KCNQ2: variants seen among roughly 807,000 people sequenced by gnomAD.
The protein encoded by KCNQ2 is potassium voltage-gated channel subfamily Q member 2, also known as potassium voltage-gated channel subfamily KQT member 2.
Under a neutral mutation model 84.8 loss-of-function variants are expected in KCNQ2, and 14 were observed. The observed-to-expected ratio is 0.17, with a 90% CI of 0.11 to 0.26. KCNQ2 has a LOEUF of 0.26. Among genes scored for constraint, KCNQ2 ranks in the 10% least tolerant of loss-of-function variants. KCNQ2 has a pLI of 1.00. For missense variants in KCNQ2, 788 were observed against 1,254.0 expected (o/e 0.63, Z 5.61); for synonymous variants, 599 against 554.1 (o/e 1.08, Z -1.14).
In KCNQ2 at chr20:63,414,055, T is replaced by C; in HGVS notation, c.1631+33A>G. On this transcript the variant is annotated intron_variant, in intron 14 of 16. Transcript: ENST00000359125. This position sits in a 1 kb window ranked among gnomAD's most constrained non-coding sequence, Gnocchi z 6.6. ...CACCGAGCGGGAGGCCCCTCCTCAC[T>C]CCCCCAGGCTCCCGGCTGGGCAGGG... 6.5e-7 allele frequency: 1 copy of C among 1,533,972 alleles called. No individual in the cohort carries two copies.
chr20:63,459,454 G>A (rs1188269042), intron 1 of KCNQ2: 2 of 152,276 alleles, frequency 1.3e-5, no homozygotes, highest in Non-Finnish European at 2.9e-5. Flanking sequence ...CCAGGCTGCA[G>A]TGAGCTGTGA....
intron 9 of KCNQ2, among the ~76,000 whole-genome samples, chr20:63,430,902 C>G (rs763297093): frequency 3.3e-5 from 5 of 152,226 alleles, no homozygotes; most frequent in Admixed American, 2.6e-4. Flanking sequence ...CCCTTGGCCC[C>G]AGATGGGTGC....
intron 11 of KCNQ2, among the ~76,000 whole-genome samples, chr20:63,420,829 G>A (rs2080446936): frequency 7.1e-6 from 1 of 141,064 alleles, no homozygotes; most frequent in Non-Finnish European, 1.7e-5. Flanking sequence ...AAGCGACTTT[G>A]GGGTCCCCAG....
chr20:63,428,081 C>T (rs900389364), intron 10 of KCNQ2, among the ~76,000 whole-genome samples: 13 of 152,206 alleles, frequency 8.5e-5, no homozygotes, highest in Admixed American at 5.9e-4. Flanking sequence ...ACGACCCACG[C>T]GCCTGGGCCC....
chr20:63,435,985 C>CT (rs56346120), intron 7 of KCNQ2, among the ~76,000 whole-genome samples: 24,523 of 139,818 alleles, frequency 0.18, 2,690 homozygotes, highest in East Asian at 0.49. Context: ...TGTGTGGTTT[C>CT]TTTTTTTTTT....
chr20:63,436,915 T>A (rs1010527724), intron 7 of KCNQ2, among the ~76,000 whole-genome samples: 3 of 152,062 alleles, frequency 2.0e-5, no homozygotes, highest in Non-Finnish European at 4.4e-5. Flanking sequence ...TAGCTGGGAT[T>A]ACAGGCGTGT....
rs1198465046 is a variant in KCNQ2 at position 63,408,359 on chromosome 20, C to T, written c.1887+54G>A. Reference sequence around the variant, plus strand: ...TGAAGCCCACACTGCCACAGGTTGACGGCAGGCACCACAGCCCTCCAGCCC... The same window carrying T: ...TGAAGCCCACACTGCCACAGGTTGATGGCAGGCACCACAGCCCTCCAGCCC... On this transcript the variant is annotated intron_variant, in intron 16 of 16. Transcript: ENST00000359125. This position sits in a 1 kb window ranked among gnomAD's most constrained non-coding sequence, Gnocchi z 5.0. 32 of 1,595,050 alleles carry T rather than the reference C, an allele frequency of 2.0e-5. No homozygotes were observed. The highest frequency in any genetic ancestry group is 4.2e-4 in the Middle Eastern group (2 of 4,732).
In KCNQ2 at chr20:63,408,254, G is replaced by A. The variant is rs936538055; in HGVS notation, c.1887+159C>T. 17 of 928,824 alleles carry A rather than the reference G, an allele frequency of 1.8e-5. No homozygotes were observed. In the African/African-American group the frequency reaches 2.6e-4, roughly 14 times the overall value. 57.5% of individuals were successfully genotyped at this position (928,824 alleles called of 1,614,324 possible). A position where few individuals can be genotyped will look rare whatever the true frequency, so the allele number is the denominator to read the frequency against. ...GGGAGGCTCACGGTGGGGTGTGAGG[G>A]GTCTGCACAGAGCAGCTGTCAGTGG... On this transcript the variant is annotated intron_variant, in intron 16 of 16. Coordinates refer to ENST00000359125, the MANE Select transcript of KCNQ2 (RefSeq NM_172107.4). The surrounding 1 kb of genome is among the most constrained non-coding windows in gnomAD (Gnocchi z 5.0).
In KCNQ2 at chr20:63,415,062, C is replaced by A. The variant is rs1454591652; in HGVS notation, c.1366G>T (p.Gly456Trp). ...SPRGVAAKGK[G>W]SPQAQTVRRS... ...CTCACAGTCTGGGCCTGCGGGGACC[C>A]CTTCCCCTTGGCAGCCACGCCTCGG... is the stretch of plus-strand genomic sequence containing the variant. The change falls in exon 13 of 17, where the codon GGG becomes TGG. Residue 456 changes from glycine to tryptophan, a missense_variant. This residue lies in a region of KCNQ2 where 202 missense variants were observed against 239.4 expected (regional missense o/e 0.84). Coordinates refer to ENST00000359125, the MANE Select transcript of KCNQ2 (RefSeq NM_172107.4). The A allele has an allele frequency of 1.2e-6, 2 of 1,607,306 alleles. No individual in the cohort carries two copies. The highest frequency in any genetic ancestry group is 8.5e-7 in the Non-Finnish European group (1 of 1,179,900).
intron 7 of KCNQ2, among the ~76,000 whole-genome samples, chr20:63,435,636 GAC>G (rs1452888075): frequency 6.6e-6 from 1 of 152,196 alleles, no homozygotes; most frequent in Non-Finnish European, 1.5e-5. Flanking sequence ...CTGAGATGAG[GAC>G]AGTGTCAAAG....
Position 63,408,297 on chromosome 20 carries a change from C to A in KCNQ2, c.1887+116G>T, listed in dbSNP as rs772733327. On this transcript the variant is annotated intron_variant, in intron 16 of 16. Coordinates refer to ENST00000359125, the MANE Select transcript of KCNQ2 (RefSeq NM_172107.4). The surrounding 1 kb of genome is among the most constrained non-coding windows in gnomAD (Gnocchi z 5.0). The stretch of plus-strand genomic sequence containing the variant: ...GTCAGTGGTGACAGGGCCATGTAAA[C>A]CCTAGACTTGAGGAGCCCTCCGTGG... The A allele has an allele frequency of 2.4e-5, 32 of 1,329,356 alleles. No homozygotes were observed. Among genetic ancestry groups the A allele is most frequent in the Middle Eastern group, 5.2e-4 (2 of 3,878 alleles). The allele number at this position is 1,329,356 out of a possible 1,614,324, so 82.3% of individuals were successfully genotyped here.
At chr20:63,431,272 G>C in intron 9 of KCNQ2, 68 bp downstream of exon 9, 4 of 1,586,020 alleles carry the variant, frequency 2.5e-6, no homozygotes, top group Non-Finnish European at 3.5e-6. Context: ...GGGCTTGCCC[G>C]GTCACAGTTC....
At position 63,414,352 on chromosome 20, in the gene KCNQ2, T is replaced by C. The variant is rs1037597467; in HGVS notation, c.1526-159A>G. 6.6e-6 allele frequency among the ~76,000 whole-genome samples: 1 copy of C among 152,190 alleles called. No individual in the cohort carries two copies. Among genetic ancestry groups the C allele is most frequent in the African/African-American group, 2.4e-5 (1 of 41,460 alleles). On this transcript the variant is annotated intron_variant, in intron 13 of 16. Transcript: ENST00000359125. The surrounding 1 kb of genome is among the most constrained non-coding windows in gnomAD (Gnocchi z 6.6). ...CTGCTTTTCTGGAAACCCACCCATC[T>C]GCACCCAGCTGCTCTCGAGTCAGGA...
intron 5 of KCNQ2, among the ~76,000 whole-genome samples, chr20:63,440,868 G>A (rs984661171): frequency 1.3e-5 from 2 of 151,908 alleles, no homozygotes; most frequent in Admixed American, 1.3e-4. Context: ...TGGGCGGGAG[G>A]CTGGGCGAGG....
At chr20:63,456,673 G>A (rs1335561882) in intron 1 of KCNQ2, among the ~76,000 whole-genome samples, 6 of 152,118 alleles carry the variant, frequency 3.9e-5, no homozygotes, top group Non-Finnish European at 7.4e-5. Context: ...CTACAGTCAC[G>A]TGCCCATTTC....
At position 63,451,659 on chromosome 20, in the gene KCNQ2, G is replaced by A. The variant is rs1013346262; in HGVS notation, c.297-4822C>T. ...CCAAGAACAAGAGGGTGGCCATGCT[G>A]TTCCAGGCTCGATTCACGACGGACA... On this transcript the variant is annotated intron_variant, in intron 1 of 16. Transcript: ENST00000359125. Among the ~76,000 whole-genome samples the A allele has an allele frequency of 2.0e-5, 3 of 152,196 alleles. No individual in the cohort carries two copies. The South Asian group carries it at 6.2e-4, about 32-fold the overall frequency.
rs1189393544 is a variant in KCNQ2 at position 63,438,575 on chromosome 20, T to A, written c.1023+50A>T. 2.0e-6 allele frequency: 3 copies of A among 1,520,406 alleles called. No homozygotes were observed. The highest frequency in any genetic ancestry group is 3.3e-5 in the Admixed American group (2 of 59,884). The allele number at this position is 1,520,406 out of a possible 1,614,324, so 94.2% of individuals were successfully genotyped here. A position where few individuals can be genotyped will look rare whatever the true frequency, so the allele number is the denominator to read the frequency against. On this transcript the variant is annotated intron_variant, in intron 7 of 16. Coordinates refer to ENST00000359125, the MANE Select transcript of KCNQ2 (RefSeq NM_172107.4). This position sits in a 1 kb window ranked among gnomAD's most constrained non-coding sequence, Gnocchi z 5.1. Reference sequence around the variant, plus strand: ...CAGCGGCCTCCACTCCTCAACAAGGTGGGACCAGGACAAGGGCTGTGCTGG... The same window carrying A: ...CAGCGGCCTCCACTCCTCAACAAGGAGGGACCAGGACAAGGGCTGTGCTGG...
Position 63,400,258 on chromosome 20 carries a change from C to T in KCNQ2, c.*6386G>A, listed in dbSNP as rs542274663. On this transcript the variant is annotated 3_prime_UTR_variant, in exon 17 of 17. Transcript: ENST00000359125. This position sits in a 1 kb window ranked among gnomAD's most constrained non-coding sequence, Gnocchi z 8.7. The stretch of plus-strand genomic sequence containing the variant: ...TGAGTGCACAGGTCCACCTGGCGTC[C>T]GAACTCGTCCCCGTGGCAGCAGGGA... The T allele has an allele frequency of 1.1e-4, 21 of 198,388 alleles. No individual in the cohort carries two copies. The highest frequency in any genetic ancestry group is 1.7e-3 in the Middle Eastern group (1 of 594). 12.3% of individuals were successfully genotyped at this position (198,388 alleles called of 1,614,324 possible).
chr20:63,420,965 C>T (rs2080453736), intron 11 of KCNQ2, among the ~76,000 whole-genome samples: 1 of 152,118 alleles, frequency 6.6e-6, no homozygotes, highest in Non-Finnish European at 1.5e-5. Context: ...CTCAGAGTCT[C>T]TCCCGCTGTG....
Sources: allele counts gnomAD v4.1 joint callset (sites outside exome capture counted in the v4.1 genomes callset), GRCh38; gene constraint gnomAD v4.1.1; regional missense constraint gnomAD v4.1.1; non-coding constraint Gnocchi (gnomAD v3.1); transcripts MANE v1.5; gene names NCBI Gene and HGNC (gene_info 2026-07-23, HGNC 2026-07-21).